Variants in GNB1 observed in about 807,000 individuals in gnomAD.
GNB1 encodes the protein G protein subunit beta 1.
A neutral mutation model predicts 42.9 loss-of-function variants in GNB1; 2 were observed. That is an observed-to-expected ratio of 0.05 (90% CI 0.02 to 0.15). The LOEUF is 0.15. Among genes scored for constraint, GNB1 ranks in the 10% least tolerant of loss-of-function variants. GNB1 has a pLI of 1.00. For synonymous variants in GNB1, 183 were observed against 174.7 expected, an observed-to-expected ratio of 1.05 and a Z score of -0.38; for missense variants, 193 against 462.2, an observed-to-expected ratio of 0.42 and a Z score of 5.34.
At chr1:1,851,592 A>G (rs1032281791) in intron 1 of GNB1, among the ~76,000 whole-genome samples, 2 of 151,924 alleles carry the variant, frequency 1.3e-5, no homozygotes, top group African/African-American at 4.8e-5. Flanking sequence ...TTAAAAAAAT[A>G]TTGGCCAAAG....
chr1:1,795,083 C>T (rs1242669702), intron 7 of GNB1, among the ~76,000 whole-genome samples: 1 of 152,206 alleles, frequency 6.6e-6, no homozygotes, highest in East Asian at 1.9e-4. Flanking sequence ...TATGCGTGGT[C>T]AAATACTTCC....
intron 1 of GNB1, among the ~76,000 whole-genome samples, chr1:1,885,177 C>T (rs1397488085): frequency 6.6e-6 from 1 of 151,392 alleles, no homozygotes. Context: ...CTTTGGGAGG[C>T]GGAGGCGGGC....
chr1:1,886,121 G>T (rs1650142678), intron 1 of GNB1, among the ~76,000 whole-genome samples: 1 of 151,790 alleles, frequency 6.6e-6, no homozygotes, highest in South Asian at 2.1e-4. Context: ...AGACCAGCCT[G>T]GCCAACATGG....
intron 5 of GNB1, among the ~76,000 whole-genome samples, chr1:1,810,027 G>A (rs182189250): frequency 1.5e-3 from 224 of 152,030 alleles, no homozygotes; most frequent in African/African-American, 4.9e-3. Flanking sequence ...AAGTCCAGGA[G>A]TTTGAAACCA....
At chr1:1,846,170 G>C (rs1275655762) in intron 1 of GNB1, among the ~76,000 whole-genome samples, 2 of 151,454 alleles carry the variant, frequency 1.3e-5, no homozygotes, top group African/African-American at 2.4e-5. Flanking sequence ...TACCTTACTG[G>C]ATCTAAAAAA....
At position 1,888,774 on chromosome 1, in the gene GNB1, G is replaced by A. The variant is rs372601792; in HGVS notation, c.-96+2046C>T. Among the ~76,000 whole-genome samples, 13 of 152,258 alleles carry A rather than the reference G, an allele frequency of 8.5e-5. No individual in the cohort carries two copies. The South Asian group carries it at 1.2e-3, about 15-fold the overall frequency. On this transcript the variant is annotated intron_variant, in intron 1 of 11. Transcript: ENST00000378609. ...AATCACTTGAACCCGGGGGCGCGGA[G>A]GTTGCAATGAGCCGAGATCGCGCCA...
At chr1:1,814,149 A>G (rs1328734909) in intron 5 of GNB1, among the ~76,000 whole-genome samples, 1 of 151,950 alleles carries the variant, frequency 6.6e-6, no homozygotes. Flanking sequence ...GCGAGCTCTC[A>G]TTTGCATGGG....
intron 1 of GNB1, among the ~76,000 whole-genome samples, chr1:1,877,822 T>C (rs985678347): frequency 2.0e-5 from 3 of 152,158 alleles, no homozygotes; most frequent in Non-Finnish European, 2.9e-5. Context: ...CTAGAATAGA[T>C]AGCAAGATTA....
At chr1:1,827,263 G>C (rs1288042097) in intron 2 of GNB1, among the ~76,000 whole-genome samples, 6 of 152,334 alleles carry the variant, frequency 3.9e-5, no homozygotes, top group Middle Eastern at 3.4e-3. Flanking sequence ...CACAGAACCA[G>C]AAAGGCCTGC....
intron 2 of GNB1, among the ~76,000 whole-genome samples, chr1:1,828,951 C>T (rs957099494): frequency 2.0e-5 from 3 of 152,102 alleles, no homozygotes; most frequent in Non-Finnish European, 4.4e-5. Flanking sequence ...CCTGGTCAGG[C>T]CCTCTTCAGT....
chr1:1,819,156 G>A (rs1030672525), intron 3 of GNB1, among the ~76,000 whole-genome samples: 1 of 151,724 alleles, frequency 6.6e-6, no homozygotes, highest in Admixed American at 6.6e-5. Flanking sequence ...GTAACATGAA[G>A]GAAAATAAGA....
chr1:1,850,132 A>T (rs866504718), intron 1 of GNB1, among the ~76,000 whole-genome samples: 6 of 143,380 alleles, frequency 4.2e-5, no homozygotes, highest in Non-Finnish European at 7.7e-5. Flanking sequence ...CACCCAGCTA[A>T]TTTTTTTTTT....
At chr1:1,849,840 G>C (rs551587953) in intron 1 of GNB1, among the ~76,000 whole-genome samples, 13 of 152,158 alleles carry the variant, frequency 8.5e-5, no homozygotes, top group African/African-American at 3.1e-4. Flanking sequence ...ACAGACCTCT[G>C]GTTTGTTGTC....
chr1:1,889,557 A>C (rs1446300535), intron 1 of GNB1, among the ~76,000 whole-genome samples: 3 of 152,018 alleles, frequency 2.0e-5, no homozygotes, highest in Non-Finnish European at 4.4e-5. Flanking sequence ...AAGGCCGCTA[A>C]TCCCAGCACT....
intron 2 of GNB1, among the ~76,000 whole-genome samples, chr1:1,837,577 T>C (rs1197647654): frequency 2.0e-5 from 3 of 150,926 alleles, no homozygotes; most frequent in Non-Finnish European, 4.4e-5. Flanking sequence ...TTTTGTTTTT[T>C]TGACACGGAG....
At chr1:1,812,081 A>T (rs1646788085) in intron 5 of GNB1, among the ~76,000 whole-genome samples, 1 of 151,670 alleles carries the variant, frequency 6.6e-6, no homozygotes, top group South Asian at 2.1e-4. Context: ...AAAAAACCCA[A>T]AAAAACTGGT....
intron 9 of GNB1, 27 bp from the exon 10 acceptor site, chr1:1,789,296 T>C (rs200691599): frequency 1.6e-6 from 2 of 1,274,132 alleles, no homozygotes. Flanking sequence ...AATCAAGACA[T>C]CATGTAAACG....
chr1:1,831,848 C>T (rs971762824), intron 2 of GNB1, among the ~76,000 whole-genome samples: 1 of 150,262 alleles, frequency 6.7e-6, no homozygotes, highest in African/African-American at 2.4e-5. Flanking sequence ...GGCTTGAGCT[C>T]AGGAGTTCAA....
At chr1:1,838,801 C>T (rs780240953) in intron 2 of GNB1, among the ~76,000 whole-genome samples, 13 of 152,138 alleles carry the variant, frequency 8.5e-5, no homozygotes, top group Non-Finnish European at 1.9e-4. Flanking sequence ...TGCTTTCTAA[C>T]GAAAAAAACT....
Sources: gnomAD v4.1 joint callset for allele counts (sites outside exome capture counted in the v4.1 genomes callset) on GRCh38, gnomAD v4.1.1 for gene constraint, MANE v1.5 for transcripts, NCBI Gene and HGNC (gene_info 2026-07-23, HGNC 2026-07-21) for gene names.